GSK3B: variants seen among roughly 807,000 people sequenced by gnomAD.
GSK3B encodes glycogen synthase kinase 3 beta.
GSK3B carries 15 observed loss-of-function variants against 56.4 expected under a neutral mutation model. That is an observed-to-expected ratio of 0.27 (90% CI 0.18 to 0.41). The LOEUF is 0.41. Among genes scored for constraint, GSK3B ranks in the 10% least tolerant of loss-of-function variants. The pLI, the probability that GSK3B is intolerant of heterozygous loss-of-function variation, is 1.00. For missense variants in GSK3B, 300 were observed against 513.4 expected, an observed-to-expected ratio of 0.58 and a Z score of 4.02; for synonymous variants, 181 against 188.9, an observed-to-expected ratio of 0.96 and a Z score of 0.34.
chr3:119,865,570 T>C (rs559858701), intron 8 of GSK3B, among the ~76,000 whole-genome samples: 117 of 147,462 alleles, frequency 7.9e-4, no homozygotes, highest in Middle Eastern at 3.6e-3. Context: ...CCCGGGTTCA[T>C]GCCATTCTCC....
intron 3 of GSK3B, among the ~76,000 whole-genome samples, chr3:119,945,928 G>A (rs973987732): frequency 5.3e-5 from 8 of 151,832 alleles, no homozygotes; most frequent in African/African-American, 1.7e-4. Flanking sequence ...ACCTAACAGA[G>A]GCTGTACAAT....
intron 2 of GSK3B, among the ~76,000 whole-genome samples, chr3:119,987,832 T>A (rs1336490911): frequency 1.3e-5 from 2 of 152,212 alleles, no homozygotes; most frequent in African/African-American, 4.8e-5. Flanking sequence ...AAAACGGTAT[T>A]TGGCTTTCTT....
intron 6 of GSK3B, among the ~76,000 whole-genome samples, chr3:119,907,103 A>G (rs142293695): frequency 1.5e-3 from 235 of 152,234 alleles, no homozygotes; most frequent in Middle Eastern, 3.4e-3. Context: ...AGTAATACTA[A>G]CTGTTATAGT....
intron 6 of GSK3B, among the ~76,000 whole-genome samples, chr3:119,907,053 C>T (rs2056689400): frequency 6.6e-6 from 1 of 152,018 alleles, no homozygotes; most frequent in African/African-American, 2.4e-5. Flanking sequence ...AAATTAAGCA[C>T]ATATGAAAAC....
chr3:119,926,335 C>T (rs1308919707), intron 3 of GSK3B, among the ~76,000 whole-genome samples: 2 of 150,714 alleles, frequency 1.3e-5, no homozygotes, highest in Non-Finnish European at 2.9e-5. Context: ...CTTCCACACA[C>T]ACACACACAC....
At chr3:120,088,553 A>C (rs1051051288) in intron 1 of GSK3B, among the ~76,000 whole-genome samples, 17 of 152,220 alleles carry the variant, frequency 1.1e-4, no homozygotes, top group Non-Finnish European at 7.3e-5. Context: ...CCTCCGCTTT[A>C]ATGAAAATGC....
intron 1 of GSK3B, among the ~76,000 whole-genome samples, chr3:120,036,960 T>TA (rs1423593031): frequency 4.6e-5 from 7 of 152,142 alleles, no homozygotes; most frequent in African/African-American, 1.4e-4. Context: ...CAACACCTGT[T>TA]AAAAAACAAA....
intron 9 of GSK3B, among the ~76,000 whole-genome samples, chr3:119,860,134 G>C (rs1335207394): frequency 6.6e-6 from 1 of 152,104 alleles, no homozygotes; most frequent in African/African-American, 2.4e-5. Context: ...TAGAGTTAGG[G>C]GGAGACTCAC....
chr3:119,898,737 T>C (rs992792707), intron 7 of GSK3B, among the ~76,000 whole-genome samples: 2 of 152,134 alleles, frequency 1.3e-5, no homozygotes, highest in East Asian at 1.9e-4. Context: ...AGACTCCCAG[T>C]GGATGCCTGA....
intron 2 of GSK3B, among the ~76,000 whole-genome samples, chr3:119,967,528 C>T (rs1423338492): frequency 6.6e-6 from 1 of 152,126 alleles, no homozygotes; most frequent in Non-Finnish European, 1.5e-5. Flanking sequence ...GTAATCAAGA[C>T]AGTGTGGTAC....
chr3:119,915,972 AAT>A, intron 5 of GSK3B, 70 bp downstream of exon 5: 1 of 1,030,558 alleles, frequency 9.7e-7, no homozygotes. Flanking sequence ...TTGCAAAAGG[AAT>A]ATATTTAAAA....
intron 2 of GSK3B, among the ~76,000 whole-genome samples, chr3:119,951,008 C>T (rs1222239181): frequency 6.6e-6 from 1 of 152,070 alleles, no homozygotes; most frequent in East Asian, 1.9e-4. Flanking sequence ...AGGGGAAAGG[C>T]CCATAGCTCT....
chr3:119,836,769 C>G (rs1006063100), intron 10 of GSK3B, among the ~76,000 whole-genome samples: 4 of 152,128 alleles, frequency 2.6e-5, no homozygotes, highest in Admixed American at 1.3e-4. Context: ...CACTAAGAGA[C>G]CACCAGAAGA....
chr3:119,873,683 A>T (rs886453997), intron 8 of GSK3B, among the ~76,000 whole-genome samples: 9 of 152,168 alleles, frequency 5.9e-5, no homozygotes, highest in East Asian at 5.8e-4. Context: ...TAACCTATTT[A>T]AAAAAACCAA....
At chr3:119,934,525 G>C (rs2056976262) in intron 3 of GSK3B, among the ~76,000 whole-genome samples, 1 of 152,194 alleles carries the variant, frequency 6.6e-6, no homozygotes, top group Admixed American at 6.5e-5. Context: ...TCATTATGTT[G>C]TAATGAGGGA....
At chr3:120,041,905 A>G (rs2058067720) in intron 1 of GSK3B, among the ~76,000 whole-genome samples, 2 of 152,240 alleles carry the variant, frequency 1.3e-5, no homozygotes, top group Admixed American at 1.3e-4. Context: ...GCACTCAGCC[A>G]AGCCTTAAAG....
chr3:119,956,755 T>C (rs940862608), intron 2 of GSK3B, among the ~76,000 whole-genome samples: 7 of 152,062 alleles, frequency 4.6e-5, no homozygotes, highest in East Asian at 1.9e-4. Flanking sequence ...CTGGAGAATA[T>C]CATCATTTAA....
intron 3 of GSK3B, among the ~76,000 whole-genome samples, chr3:119,933,473 G>T (rs1287091147): frequency 1.3e-5 from 2 of 152,164 alleles, no homozygotes; most frequent in East Asian, 3.8e-4. Flanking sequence ...CATAAAATTT[G>T]TGAAGAGCAA....
At chr3:119,963,576 C>A (rs2057291961) in intron 2 of GSK3B, among the ~76,000 whole-genome samples, 1 of 145,496 alleles carries the variant, frequency 6.9e-6, no homozygotes, top group Non-Finnish European at 1.5e-5. Context: ...TGAAATTATG[C>A]CACGGCACTC....
Sources: allele counts gnomAD v4.1 joint callset (sites outside exome capture counted in the v4.1 genomes callset), GRCh38; gene constraint gnomAD v4.1.1; transcripts MANE v1.5; gene names NCBI Gene and HGNC (gene_info 2026-07-23, HGNC 2026-07-21).